Variants in EPHB1 observed in about 807,000 individuals in gnomAD.
EPHB1 encodes ephrin type-B receptor 1.
In EPHB1, 30 loss-of-function variants were observed where a neutral mutation model predicts 94.4. The observed-to-expected ratio is 0.32, with a 90% CI of 0.24 to 0.43. EPHB1 has a LOEUF of 0.43. EPHB1 is among the 20% of genes least tolerant of loss of function. The pLI is 1.00. For synonymous variants in EPHB1, 522 were observed against 489.1 expected, an observed-to-expected ratio of 1.07 and a Z score of -0.89; for missense variants, 1,055 against 1,308.3, an observed-to-expected ratio of 0.81 and a Z score of 2.99.
At chr3:135,088,040 A>ATT (rs200288695) in intron 3 of EPHB1, among the ~76,000 whole-genome samples, 1 of 151,460 alleles carries the variant, frequency 6.6e-6, no homozygotes, top group Non-Finnish European at 1.5e-5. Context: ...GACCATACTT[A>ATT]TTTTTTTTTC....
chr3:135,227,101 A>G (rs1943421364), intron 12 of EPHB1, among the ~76,000 whole-genome samples: 1 of 152,222 alleles, frequency 6.6e-6, no homozygotes. Flanking sequence ...TACCCATGTA[A>G]TAATCTTACA....
intron 3 of EPHB1, among the ~76,000 whole-genome samples, chr3:134,964,340 T>A (rs894533137): frequency 1.3e-5 from 2 of 152,184 alleles, no homozygotes; most frequent in Non-Finnish European, 2.9e-5. Flanking sequence ...TAGTGACACA[T>A]TGTGCACAAA....
intron 1 of EPHB1, among the ~76,000 whole-genome samples, chr3:134,923,709 C>G (rs202210548): frequency 6.6e-6 from 1 of 152,140 alleles, no homozygotes; most frequent in East Asian, 1.9e-4. Context: ...TTTTAATTCC[C>G]TTAGTCCTGC....
intron 3 of EPHB1, among the ~76,000 whole-genome samples, chr3:134,962,245 C>T (rs72973557): frequency 0.017 from 2,621 of 152,232 alleles, 55 homozygotes; most frequent in African/African-American, 0.058. Flanking sequence ...CATAAACTGC[C>T]CTGTTCAGGA....
intron 3 of EPHB1, among the ~76,000 whole-genome samples, chr3:135,027,238 C>T (rs1486696160): frequency 1.3e-5 from 2 of 152,106 alleles, no homozygotes; most frequent in Admixed American, 6.6e-5. Context: ...CTGGCCAGGA[C>T]TTCCAGCACT....
At chr3:135,164,810 A>C (rs1318680403) in intron 7 of EPHB1, among the ~76,000 whole-genome samples, 2 of 108,550 alleles carry the variant, frequency 1.8e-5, no homozygotes, top group African/African-American at 5.7e-5. Flanking sequence ...CTGTCTCAAA[A>C]AAAAAAAAAA....
At chr3:134,956,134 C>T (rs1933261228) in intron 3 of EPHB1, among the ~76,000 whole-genome samples, 1 of 152,082 alleles carries the variant, frequency 6.6e-6, no homozygotes. Context: ...CAGGGGCAGG[C>T]TCCTTATCTA....
intron 5 of EPHB1, among the ~76,000 whole-genome samples, chr3:135,143,112 C>G (rs1322613325): frequency 7.2e-6 from 1 of 138,138 alleles, no homozygotes; most frequent in Non-Finnish European, 1.5e-5. Context: ...AGTGAAGGCT[C>G]TGAGGGAAGG....
chr3:134,983,836 T>C (rs1185683387), intron 3 of EPHB1, among the ~76,000 whole-genome samples: 1 of 152,210 alleles, frequency 6.6e-6, no homozygotes, highest in Non-Finnish European at 1.5e-5. Flanking sequence ...TTGATGGAAG[T>C]CTGGACAAGT....
chr3:135,102,284 C>T (rs1939059438), intron 3 of EPHB1, among the ~76,000 whole-genome samples: 1 of 152,318 alleles, frequency 6.6e-6, no homozygotes, highest in Non-Finnish European at 1.5e-5. Flanking sequence ...CTGTGTGACT[C>T]CCGGCTGCTT....
intron 1 of EPHB1, among the ~76,000 whole-genome samples, chr3:134,916,311 AG>A: frequency 6.6e-6 from 1 of 152,296 alleles, no homozygotes; most frequent in Non-Finnish European, 1.5e-5. Flanking sequence ...ATCCCACACG[AG>A]GGCCACAGGT....
At chr3:135,181,549 C>T (rs984014337) in intron 10 of EPHB1, among the ~76,000 whole-genome samples, 12 of 152,014 alleles carry the variant, frequency 7.9e-5, no homozygotes, top group Admixed American at 6.6e-5. Context: ...TCTGTTTGCT[C>T]GTGTTATTAA....
At chr3:135,074,613 C>G (rs1937843994) in intron 3 of EPHB1, among the ~76,000 whole-genome samples, 1 of 152,186 alleles carries the variant, frequency 6.6e-6, no homozygotes, top group Non-Finnish European at 1.5e-5. Context: ...TGATGTGTTT[C>G]CCACCTGGGA....
chr3:135,015,919 G>A (rs1450271464), intron 3 of EPHB1, among the ~76,000 whole-genome samples: 1 of 152,200 alleles, frequency 6.6e-6, no homozygotes. Flanking sequence ...CCTGAGGTGG[G>A]AAGATCTTGG....
chr3:135,161,937 C>A (rs1319148805), intron 6 of EPHB1, 81 bp from the exon 7 acceptor site: 1 of 1,448,062 alleles, frequency 6.9e-7, no homozygotes, highest in Non-Finnish European at 9.3e-7. Context: ...AATGATGGGG[C>A]CTGAATACTC....
intron 3 of EPHB1, among the ~76,000 whole-genome samples, chr3:134,963,135 CTCCTTCCT>C (rs59384593): frequency 0.065 from 8,837 of 137,000 alleles, 392 homozygotes; most frequent in South Asian, 0.16. Context: ...CCTTCTCTTG[CTCCTTCCT>C]TCCTTCCTTC....
At chr3:134,953,621 G>A (rs945587558) in intron 3 of EPHB1, among the ~76,000 whole-genome samples, 7 of 152,314 alleles carry the variant, frequency 4.6e-5, no homozygotes, top group South Asian at 2.1e-4. Flanking sequence ...TTGCAGCAGC[G>A]CATGGTGGGT....
At chr3:135,242,595 G>A (rs1433597881) in intron 13 of EPHB1, among the ~76,000 whole-genome samples, 3 of 152,094 alleles carry the variant, frequency 2.0e-5, no homozygotes, top group Non-Finnish European at 4.4e-5. Flanking sequence ...ACCATTAACC[G>A]GGTCCTGAAG....
chr3:134,861,601 G>T (rs1030801434), intron 1 of EPHB1, among the ~76,000 whole-genome samples: 1 of 152,220 alleles, frequency 6.6e-6, no homozygotes, highest in Non-Finnish European at 1.5e-5. Flanking sequence ...TTACGGAAGG[G>T]ATGGGAGCGG....
Sources: gnomAD v4.1 joint callset for allele counts (sites outside exome capture counted in the v4.1 genomes callset) on GRCh38, gnomAD v4.1.1 for gene constraint, MANE v1.5 for transcripts, NCBI Gene and HGNC (gene_info 2026-07-23, HGNC 2026-07-21) for gene names.